Variants in LRRC4C observed in about 807,000 individuals in gnomAD.
LRRC4C encodes the protein leucine-rich repeat-containing protein 4C.
LRRC4C carries 5 observed loss-of-function variants against 33.6 expected under a neutral mutation model. The ratio of observed to expected loss-of-function variants is 0.15; its 90% CI spans 0.08 to 0.31. The LOEUF (loss-of-function observed/expected upper bound fraction) is 0.31. LRRC4C is among the 10% of genes least tolerant of loss of function. LRRC4C has a pLI of 1.00. For synonymous variants in LRRC4C, 329 were observed against 302.0 expected (o/e 1.09, Z -0.93); for missense variants, 560 against 796.7 (o/e 0.70, Z 3.58).
chr11:40,365,195 G>T (rs557995101), intron 3 of LRRC4C, among the ~76,000 whole-genome samples: 1 of 151,876 alleles, frequency 6.6e-6, no homozygotes, highest in African/African-American at 2.4e-5. Flanking sequence ...GATTTAATTG[G>T]CTCTTTTAAA....
chr11:40,355,810 T>C lies in LRRC4C; in HGVS notation c.-269-36089A>G, dbSNP rs541064326. On this transcript the variant is annotated intron_variant, in intron 3 of 6. Transcript: ENST00000528697. ...GATCACAAACCTGATTTTTGGCTCT[T>C]ATAAATGTGCCTTCTTTTGTAGATA... Among the ~76,000 whole-genome samples, 75 of 152,270 alleles carry C rather than the reference T, an allele frequency of 4.9e-4. 1 individual carries two copies. In the South Asian group the frequency reaches 0.011, roughly 22 times the overall value.
At chr11:41,183,366 C>G (rs921470150) in intron 1 of LRRC4C, among the ~76,000 whole-genome samples, 1 of 152,122 alleles carries the variant, frequency 6.6e-6, no homozygotes, top group Non-Finnish European at 1.5e-5. Flanking sequence ...GTACTTCCTA[C>G]ATACAATGGA....
chr11:40,436,403 G>A (rs145350539), intron 3 of LRRC4C, among the ~76,000 whole-genome samples: 3 of 152,266 alleles, frequency 2.0e-5, no homozygotes, highest in East Asian at 1.9e-4. Flanking sequence ...CCCAAAAAGT[G>A]TCACTCTAAG....
At chr11:40,715,353 A>C (rs1198900009) in intron 2 of LRRC4C, among the ~76,000 whole-genome samples, 2 of 152,246 alleles carry the variant, frequency 1.3e-5, no homozygotes, top group African/African-American at 2.4e-5. Flanking sequence ...ATGCCATTTC[A>C]ATTCAGCAAA....
At chr11:40,158,173 A>G (rs1435100680) in intron 5 of LRRC4C, among the ~76,000 whole-genome samples, 1 of 152,180 alleles carries the variant, frequency 6.6e-6, no homozygotes, top group African/African-American at 2.4e-5. Context: ...ATGTGAAACC[A>G]TACATCGTAT....
intron 6 of LRRC4C, among the ~76,000 whole-genome samples, chr11:40,136,498 G>C (rs1397056874): frequency 6.7e-6 from 1 of 148,882 alleles, no homozygotes; most frequent in Non-Finnish European, 1.5e-5. Flanking sequence ...GGAGGGTCTC[G>C]ATCTCCTGAC....
At chr11:40,826,503 T>G (rs771239183) in intron 2 of LRRC4C, among the ~76,000 whole-genome samples, 6 of 151,840 alleles carry the variant, frequency 4.0e-5, no homozygotes, top group Non-Finnish European at 7.4e-5. Flanking sequence ...CTTTAAATAT[T>G]CCAAAATATT....
chr11:40,391,784 GA>G (rs1215741590), intron 3 of LRRC4C, among the ~76,000 whole-genome samples: 5 of 150,820 alleles, frequency 3.3e-5, no homozygotes, highest in Non-Finnish European at 5.9e-5. Context: ...GTAAGTAAAT[GA>G]AAAAAAAATA....
intron 1 of LRRC4C, among the ~76,000 whole-genome samples, chr11:41,442,664 T>C (rs1955673300): frequency 6.6e-6 from 1 of 151,846 alleles, no homozygotes; most frequent in Admixed American, 6.6e-5. Flanking sequence ...AGAGACGGGG[T>C]TTCACTGTGT....
At chr11:40,650,954 C>A (rs541137089) in intron 2 of LRRC4C, among the ~76,000 whole-genome samples, 1 of 152,156 alleles carries the variant, frequency 6.6e-6, no homozygotes, top group Non-Finnish European at 1.5e-5. Flanking sequence ...CTAAACTGCA[C>A]AAGTGCCCCC....
intron 6 of LRRC4C, among the ~76,000 whole-genome samples, chr11:40,119,721 C>A (rs925839963): frequency 6.6e-6 from 1 of 152,060 alleles, no homozygotes; most frequent in Non-Finnish European, 1.5e-5. Context: ...CCTTGCTGAT[C>A]CTAGAGAGGC....
intron 2 of LRRC4C, among the ~76,000 whole-genome samples, chr11:40,726,858 T>C (rs527729037): frequency 1.3e-5 from 2 of 152,240 alleles, no homozygotes; most frequent in East Asian, 3.9e-4. Flanking sequence ...TTAAAAACCC[T>C]AAAAACTCTG....
chr11:41,391,693 G>A (rs545014905), intron 1 of LRRC4C, among the ~76,000 whole-genome samples: 2 of 151,902 alleles, frequency 1.3e-5, no homozygotes, highest in East Asian at 3.9e-4. Flanking sequence ...TCTTACAACT[G>A]ACAGACATTT....
chr11:40,173,454 T>C (rs1277932283), intron 5 of LRRC4C, among the ~76,000 whole-genome samples: 1 of 152,212 alleles, frequency 6.6e-6, no homozygotes, highest in Non-Finnish European at 1.5e-5. Context: ...GAATGAATGA[T>C]AGAATTGAAT....
chr11:40,541,573 A>T (rs933732716), intron 3 of LRRC4C, among the ~76,000 whole-genome samples: 2 of 152,140 alleles, frequency 1.3e-5, no homozygotes, highest in Non-Finnish European at 2.9e-5. Flanking sequence ...GTCCTTCTCC[A>T]TCACAGTCCC....
chr11:41,161,587 G>A (rs565800822), intron 1 of LRRC4C, among the ~76,000 whole-genome samples: 1 of 152,194 alleles, frequency 6.6e-6, no homozygotes, highest in African/African-American at 2.4e-5. Flanking sequence ...GCATGTCATG[G>A]ACACTTAGGG....
intron 1 of LRRC4C, among the ~76,000 whole-genome samples, chr11:41,195,137 AG>A (rs1946127120): frequency 6.6e-6 from 1 of 152,010 alleles, no homozygotes; most frequent in African/African-American, 2.4e-5. Flanking sequence ...TTCTCCTCAT[AG>A]GCCCCTCCAT....
At chr11:40,526,879 A>G (rs1371341566) in intron 3 of LRRC4C, among the ~76,000 whole-genome samples, 1 of 152,182 alleles carries the variant, frequency 6.6e-6, no homozygotes. Context: ...GTATACAACA[A>G]TGCTTGTTGG....
At chr11:41,017,354 T>C (rs943662807) in intron 1 of LRRC4C, among the ~76,000 whole-genome samples, 2 of 152,192 alleles carry the variant, frequency 1.3e-5, no homozygotes, top group Admixed American at 1.3e-4. Flanking sequence ...TTGTGAAGCT[T>C]TTATTTTCAC....
Sources: gnomAD v4.1 joint callset for allele counts (sites outside exome capture counted in the v4.1 genomes callset) on GRCh38, gnomAD v4.1.1 for gene constraint, MANE v1.5 for transcripts, NCBI Gene and HGNC (gene_info 2026-07-23, HGNC 2026-07-21) for gene names.